Variants in TSPEAR observed in about 807,000 individuals in gnomAD.
TSPEAR encodes thrombospondin-type laminin G domain and EAR repeat-containing protein.
TSPEAR carries 69 observed loss-of-function variants against 71.6 expected under a neutral mutation model. That is an observed-to-expected ratio of 0.96 (90% confidence interval 0.79 to 1.18). The LOEUF (loss-of-function observed/expected upper bound fraction) is 1.18. Among genes scored for constraint, TSPEAR ranks in the 50% most tolerant of loss-of-function variants. The probability of loss-of-function intolerance (pLI) is 0.00; values close to 1 mark genes in which losing one functional copy is unlikely to be tolerated. For synonymous variants in TSPEAR, 402 were observed against 387.2 expected (o/e 1.04, Z -0.45); for missense variants, 971 against 894.9 (o/e 1.09, Z -1.09).
chr21:44,504,890 A>G lies in TSPEAR; in HGVS notation c.1755-9T>C. ...ACTCCCAGTCCAGAGCACTGCAGGA[A>G]CAAGTGGGTGGATATTAGGACACAA... On this transcript the variant is annotated splice_polypyrimidine_tract_variant and intron_variant, in intron 10 of 11. Coordinates refer to ENST00000323084, the MANE Select transcript of TSPEAR (RefSeq NM_144991.3). The G allele has an allele frequency of 6.2e-7, 1 of 1,605,068 alleles. No individual in the cohort carries two copies. Among genetic ancestry groups the G allele is most frequent in the South Asian group, 1.1e-5 (1 of 90,906 alleles).
At chr21:44,627,938 C>T (rs782728975) in intron 1 of TSPEAR, 1 of 1,518,458 alleles carries the variant, frequency 6.6e-7, no homozygotes, top group Non-Finnish European at 9.0e-7. Context: ...CCCACCTCCT[C>T]CCGCCAGCCC....
intron 2 of TSPEAR, among the ~76,000 whole-genome samples, chr21:44,559,230 A>T (rs1555920606): frequency 6.6e-6 from 1 of 151,618 alleles, no homozygotes; most frequent in Non-Finnish European, 1.5e-5. Flanking sequence ...GAAGATGCTC[A>T]GTTGGCCTGG....
intron 1 of TSPEAR, chr21:44,702,706 T>A: frequency 1.3e-6 from 2 of 1,501,588 alleles, no homozygotes; most frequent in Non-Finnish European, 9.2e-7. Flanking sequence ...GCCCAGCTGC[T>A]GCCACCCAGC....
chr21:44,522,018 G>A lies in TSPEAR; in HGVS notation c.1431C>T (p.Tyr477=), dbSNP rs372017797. The A allele has an allele frequency of 4.9e-5, 79 of 1,614,080 alleles. No individual in the cohort carries two copies. The highest frequency in any genetic ancestry group is 1.6e-4 in the Middle Eastern group (1 of 6,084). Residue 477 remains tyrosine, a synonymous_variant, in exon 9 of 12, where the codon TAC becomes TAT. Transcript: ENST00000323084. ...ANQTIATSGA[Y]DWEFFSVGPY... ...GCCCCACACTGAAGAACTCCCAGTCGTAGGCGCCGGAGGTGGCGATGGTCT... is the reference window on the plus strand; with the variant it reads ...GCCCCACACTGAAGAACTCCCAGTCATAGGCGCCGGAGGTGGCGATGGTCT...
At chr21:44,592,669 C>T (rs1980068294) in intron 1 of TSPEAR, among the ~76,000 whole-genome samples, 2 of 152,154 alleles carry the variant, frequency 1.3e-5, no homozygotes, top group Admixed American at 1.3e-4. Flanking sequence ...TCATAAATCT[C>T]CCATCACATC....
At position 44,514,351 on chromosome 21, in the gene TSPEAR, G is replaced by T. The variant is rs190122557; in HGVS notation, c.1567-4965C>A. ...CTACAGCACCTCTTGCCCTTCCATGGCCATGGAAGCGAGTACACACACGTG... is the reference window on the plus strand; with the variant it reads ...CTACAGCACCTCTTGCCCTTCCATGTCCATGGAAGCGAGTACACACACGTG... On this transcript the variant is annotated intron_variant, in intron 9 of 11. Coordinates refer to ENST00000323084, the MANE Select transcript of TSPEAR (RefSeq NM_144991.3). 2.9e-3 allele frequency among the ~76,000 whole-genome samples: 439 copies of T among 152,276 alleles called. 6 individuals carry two copies. The highest frequency in any genetic ancestry group is 1.0e-3 in the Non-Finnish European group (70 of 68,024).
chr21:44,604,394 C>T (rs1601476855), intron 1 of TSPEAR, among the ~76,000 whole-genome samples: 1 of 152,092 alleles, frequency 6.6e-6, no homozygotes, highest in East Asian at 1.9e-4. Flanking sequence ...ATAAGATGTC[C>T]AATGGCCAAA....
At chr21:44,525,022 G>C (rs1179708936) in intron 8 of TSPEAR, among the ~76,000 whole-genome samples, 4 of 151,918 alleles carry the variant, frequency 2.6e-5, no homozygotes, top group Admixed American at 2.6e-4. Flanking sequence ...CAGTCAGATA[G>C]TTAGTCATTC....
intron 1 of TSPEAR, among the ~76,000 whole-genome samples, chr21:44,586,032 A>T (rs1369179415): frequency 6.6e-6 from 1 of 152,160 alleles, no homozygotes; most frequent in Non-Finnish European, 1.5e-5. Flanking sequence ...TGGCATCCAG[A>T]ACTTCCTGGG....
intron 1 of TSPEAR, among the ~76,000 whole-genome samples, chr21:44,653,054 A>T (rs1555941798): frequency 6.6e-6 from 1 of 152,106 alleles, no homozygotes; most frequent in African/African-American, 2.4e-5. Context: ...GATACTCGGG[A>T]GGCTGAGGCA....
intron 1 of TSPEAR, among the ~76,000 whole-genome samples, chr21:44,652,941 G>T (rs1225325146): frequency 2.0e-5 from 3 of 152,106 alleles, no homozygotes; most frequent in African/African-American, 7.2e-5. Context: ...TGGATCACAA[G>T]GTCAGGAGAT....
Position 44,506,287 on chromosome 21 carries a change from GC to G in TSPEAR, c.1755-1407del, listed in dbSNP as rs2052199607. On this transcript the variant is annotated intron_variant, in intron 10 of 11. Coordinates refer to ENST00000323084, the MANE Select transcript of TSPEAR (RefSeq NM_144991.3). This position sits in a 1 kb window ranked among gnomAD's most constrained non-coding sequence, Gnocchi z 4.2. The stretch of plus-strand genomic sequence containing the variant: ...TCCTCCCCAGGAGCCCACCTGCCGA[GC>G]TGTCAGCGTCAGCCCCACATCTCAA... Among the ~76,000 whole-genome samples the G allele has an allele frequency of 6.6e-6, 1 of 152,210 alleles. No individual in the cohort carries two copies. Among genetic ancestry groups the G allele is most frequent in the African/African-American group, 2.4e-5 (1 of 41,464 alleles).
At chr21:44,660,567 GAA>G (rs1985428837) in intron 1 of TSPEAR, among the ~76,000 whole-genome samples, 1 of 152,194 alleles carries the variant, frequency 6.6e-6, no homozygotes, top group Non-Finnish European at 1.5e-5. Context: ...AACAAAAACT[GAA>G]AAGACTTCAT....
At chr21:44,637,386 C>T (rs1555936940) in intron 1 of TSPEAR, 5 of 1,584,568 alleles carry the variant, frequency 3.2e-6, no homozygotes, top group Non-Finnish European at 4.3e-6. Context: ...CACTCACACA[C>T]CTCCCCCAGC....
chr21:44,616,790 C>G (rs1982128563), intron 1 of TSPEAR, among the ~76,000 whole-genome samples: 1 of 152,238 alleles, frequency 6.6e-6, no homozygotes, highest in African/African-American at 2.4e-5. Flanking sequence ...CCAAGCAGCC[C>G]TAAGGCAGCA....
At chr21:44,553,853 G>A (rs1555919428) in intron 2 of TSPEAR, among the ~76,000 whole-genome samples, 1 of 152,214 alleles carries the variant, frequency 6.6e-6, no homozygotes. Flanking sequence ...CCACTAACCA[G>A]GGTATGGCAA....
intron 11 of TSPEAR, among the ~76,000 whole-genome samples, chr21:44,504,186 GC>G: frequency 7.3e-6 from 1 of 137,654 alleles, no homozygotes; most frequent in Admixed American, 7.2e-5. Context: ...GCCTTGGTGA[GC>G]CCACAGTGGG....
At chr21:44,573,366 C>T (rs911529797) in intron 1 of TSPEAR, among the ~76,000 whole-genome samples, 4 of 151,804 alleles carry the variant, frequency 2.6e-5, no homozygotes, top group South Asian at 2.1e-4. Flanking sequence ...AGCACACACA[C>T]GGCAGAGCCA....
intron 1 of TSPEAR, among the ~76,000 whole-genome samples, chr21:44,622,208 A>C (rs1982480817): frequency 6.6e-6 from 1 of 152,230 alleles, no homozygotes; most frequent in East Asian, 1.9e-4. Flanking sequence ...AAGTAACAAC[A>C]CATCTGCTGT....
Sources: gnomAD v4.1 joint callset for allele counts (sites outside exome capture counted in the v4.1 genomes callset) on GRCh38, gnomAD v4.1.1 for gene constraint, Gnocchi (gnomAD v3.1) non-coding constraint, MANE v1.5 for transcripts, NCBI Gene and HGNC (gene_info 2026-07-23, HGNC 2026-07-21) for gene names.